SLC30A7: variants seen among roughly 807,000 people sequenced by gnomAD.
SLC30A7 encodes zinc transporter 7.
A neutral mutation model predicts 46.0 loss-of-function variants in SLC30A7; 35 were observed. That is an observed-to-expected ratio of 0.76 (90% confidence interval 0.58 to 1.01). SLC30A7 has a LOEUF of 1.01. Among genes scored for constraint, SLC30A7 ranks in the 50% least tolerant of loss-of-function variants. The probability of loss-of-function intolerance (pLI) is 0.00; values close to 1 mark genes in which losing one functional copy is unlikely to be tolerated. For missense variants in SLC30A7, 464 were observed against 451.1 expected (o/e 1.03, Z -0.26); for synonymous variants, 147 against 157.8 (o/e 0.93, Z 0.51).
At chr1:100,897,176 C>T (rs1010011106) in intron 2 of SLC30A7, among the ~76,000 whole-genome samples, 2 of 151,782 alleles carry the variant, frequency 1.3e-5, no homozygotes, top group Non-Finnish European at 2.9e-5. Context: ...TCTTTAATGC[C>T]GAAACTGTCT....
chr1:100,949,776 A>G (rs538350471), intron 8 of SLC30A7, among the ~76,000 whole-genome samples: 26 of 152,306 alleles, frequency 1.7e-4, no homozygotes, highest in Admixed American at 4.6e-4. Context: ...AGACTGCTGC[A>G]CTAGCAGTGA....
the SLC30A7 span, among the ~76,000 whole-genome samples, chr1:100,991,446 C>T: frequency 1.3e-5 from 2 of 152,134 alleles, no homozygotes; most frequent in East Asian, 1.9e-4. Flanking sequence ...ATTTGTTTCA[C>T]GACTTTAACA....
chr1:100,915,249 C>CTTTCTT (rs1414891931), intron 6 of SLC30A7, among the ~76,000 whole-genome samples: 6 of 97,862 alleles, frequency 6.1e-5, no homozygotes, highest in Non-Finnish European at 1.3e-4. Flanking sequence ...TTCTTTCTTT[C>CTTTCTT]TTTCTTCCTT....
the SLC30A7 span, chr1:100,995,215 C>T: frequency 8.6e-7 from 1 of 1,156,404 alleles, no homozygotes; most frequent in Non-Finnish European, 1.3e-6. Flanking sequence ...TATGTGTAAA[C>T]CTCAGTTAAG....
intron 8 of SLC30A7, among the ~76,000 whole-genome samples, chr1:100,959,671 C>T (rs1251154285): frequency 5.3e-5 from 8 of 152,168 alleles, no homozygotes; most frequent in Non-Finnish European, 5.9e-5. Context: ...TGAAAGCAAA[C>T]GAGGAGGGTA....
chr1:100,905,259 TGAAGAAAAAC>T (rs2101006941), intron 2 of SLC30A7, among the ~76,000 whole-genome samples: 1 of 152,246 alleles, frequency 6.6e-6, no homozygotes, highest in Non-Finnish European at 1.5e-5. Flanking sequence ...GAATAGTTTC[TGAAGAAAAAC>T]ATGCTATAAA....
At chr1:100,946,468 C>A (rs896818454) in intron 8 of SLC30A7, among the ~76,000 whole-genome samples, 1 of 151,802 alleles carries the variant, frequency 6.6e-6, no homozygotes, top group African/African-American at 2.4e-5. Flanking sequence ...TCCATCAATC[C>A]CTAGTTTGAG....
At chr1:100,931,818 G>A (rs1454493811) in intron 8 of SLC30A7, among the ~76,000 whole-genome samples, 2 of 152,144 alleles carry the variant, frequency 1.3e-5, no homozygotes, top group Non-Finnish European at 2.9e-5. Flanking sequence ...TTGTTGAAAT[G>A]TATTTGGTTT....
At chr1:100,901,962 TA>T (rs369757694) in intron 2 of SLC30A7, among the ~76,000 whole-genome samples, 1 of 152,286 alleles carries the variant, frequency 6.6e-6, no homozygotes, top group African/African-American at 2.4e-5. Context: ...AGGAAATTTA[TA>T]GTTTAAATTT....
the SLC30A7 span, chr1:100,992,790 A>G: frequency 7.8e-7 from 1 of 1,278,554 alleles, no homozygotes; most frequent in Admixed American, 1.7e-5. Context: ...AAACTACATA[A>G]TATGTTATTA....
At chr1:100,911,941 T>G (rs558401955) in intron 4 of SLC30A7, among the ~76,000 whole-genome samples, 171 bp from the exon 5 acceptor site, 2 of 152,370 alleles carry the variant, frequency 1.3e-5, no homozygotes, top group East Asian at 3.9e-4. Context: ...TTGTTACTTT[T>G]TCTACAGTAT....
chr1:100,987,644 G>T, the SLC30A7 span, among the ~76,000 whole-genome samples: 2 of 146,736 alleles, frequency 1.4e-5, no homozygotes, highest in Non-Finnish European at 3.0e-5. Context: ...GTTTATGTTC[G>T]GATTTTTTTT....
rs567571476 is a variant in SLC30A7 at position 100,961,526 on chromosome 1, C to T, written c.843-302C>T. 1.3e-3 allele frequency among the ~76,000 whole-genome samples: 194 copies of T among 152,242 alleles called. 2 individuals carry two copies. Among genetic ancestry groups the T allele is most frequent in the Non-Finnish European group, 2.4e-3 (164 of 68,022 alleles). On this transcript the variant is annotated intron_variant, in intron 8 of 10. Coordinates refer to ENST00000357650, the MANE Select transcript of SLC30A7 (RefSeq NM_133496.5). ...TGATTACTTTGGAAGGTTCTGACCA[C>T]GTGGAGTCATATTTTAACTAACAGT... is the stretch of plus-strand genomic sequence containing the variant.
chr1:100,916,329 G>T (rs1557982213), intron 6 of SLC30A7, among the ~76,000 whole-genome samples: 1 of 152,060 alleles, frequency 6.6e-6, no homozygotes, highest in Admixed American at 6.5e-5. Context: ...TGGATTACAG[G>T]CGTGTGCCAC....
At chr1:100,939,733 C>T (rs979453561) in intron 8 of SLC30A7, among the ~76,000 whole-genome samples, 1 of 150,480 alleles carries the variant, frequency 6.6e-6, no homozygotes, top group Non-Finnish European at 1.5e-5. Context: ...CCTGTAGTCC[C>T]AGCTACTTGA....
chr1:100,945,699 A>G (rs1385790927), intron 8 of SLC30A7, among the ~76,000 whole-genome samples: 1 of 152,110 alleles, frequency 6.6e-6, no homozygotes, highest in Non-Finnish European at 1.5e-5. Context: ...GCCTCATAGT[A>G]TAGTTTGAAG....
intron 8 of SLC30A7, among the ~76,000 whole-genome samples, chr1:100,947,361 G>C (rs935169189): frequency 3.3e-5 from 5 of 152,164 alleles, no homozygotes; most frequent in African/African-American, 1.2e-4. Context: ...ATGTACTTGT[G>C]TGGTTTTGAG....
downstream of SLC30A7, among the ~76,000 whole-genome samples, chr1:100,986,467 A>T (rs1290117314): frequency 6.6e-6 from 1 of 152,146 alleles, no homozygotes; most frequent in Admixed American, 6.5e-5. Flanking sequence ...AATACTGCCA[A>T]CATGAAGTGG....
At chr1:100,914,838 A>G (rs1570521382) in intron 6 of SLC30A7, among the ~76,000 whole-genome samples, 2 of 152,122 alleles carry the variant, frequency 1.3e-5, no homozygotes, top group Non-Finnish European at 2.9e-5. Flanking sequence ...TCCATGAGGC[A>G]AGAAAATAGC....
Sources: allele counts gnomAD v4.1 joint callset (sites outside exome capture counted in the v4.1 genomes callset), GRCh38; gene constraint gnomAD v4.1.1; transcripts MANE v1.5; gene names NCBI Gene and HGNC (gene_info 2026-07-23, HGNC 2026-07-21).